The following PARD3 variants were observed in gnomAD, a reference collection of about 807,000 sequenced individuals.
PARD3 encodes par-3 family cell polarity regulator, also known as partitioning defective 3 homolog.
A neutral mutation model predicts 155.4 loss-of-function variants in PARD3; 75 were observed. The observed-to-expected ratio is 0.48, with a 90% CI of 0.40 to 0.58. The LOEUF (loss-of-function observed/expected upper bound fraction) is 0.58. Among genes scored for constraint, PARD3 ranks in the 20% least tolerant of loss-of-function variants. The probability of loss-of-function intolerance (pLI) is 0.00; values close to 1 mark genes in which losing one functional copy is unlikely to be tolerated. For synonymous variants in PARD3, 576 were observed against 610.5 expected (o/e 0.94, Z 0.83); for missense variants, 1,642 against 1,721.7 (o/e 0.95, Z 0.82).
At chr10:34,780,443 T>C (rs2134163829) in intron 1 of PARD3, among the ~76,000 whole-genome samples, 1 of 152,366 alleles carries the variant, frequency 6.6e-6, no homozygotes, top group Admixed American at 6.5e-5. Flanking sequence ...AAATTTTTGT[T>C]GGCAATATTT....
At chr10:34,682,074 T>C (rs1214251923) in intron 2 of PARD3, among the ~76,000 whole-genome samples, 1 of 152,052 alleles carries the variant, frequency 6.6e-6, no homozygotes, top group African/African-American at 2.4e-5. Flanking sequence ...GAAATGCAAC[T>C]GCAGTGTCAT....
At chr10:34,246,056 G>A (rs1424102801) in intron 22 of PARD3, among the ~76,000 whole-genome samples, 3 of 152,250 alleles carry the variant, frequency 2.0e-5, no homozygotes, top group African/African-American at 7.2e-5. Flanking sequence ...GACCAAGGAA[G>A]AAGGGTGTCC....
At chr10:34,600,099 C>T (rs1315926587) in intron 2 of PARD3, among the ~76,000 whole-genome samples, 2 of 151,718 alleles carry the variant, frequency 1.3e-5, no homozygotes, top group East Asian at 3.9e-4. Context: ...CTTTGGGAGG[C>T]CGAGGCAGGT....
chr10:34,281,855 A>G (rs1468046000), intron 21 of PARD3, among the ~76,000 whole-genome samples: 2 of 152,174 alleles, frequency 1.3e-5, no homozygotes, highest in African/African-American at 4.8e-5. Flanking sequence ...GGAATTAGCC[A>G]AAATAATTTT....
chr10:34,411,821 C>T (rs750771439), intron 5 of PARD3, among the ~76,000 whole-genome samples: 3 of 151,784 alleles, frequency 2.0e-5, no homozygotes, highest in Non-Finnish European at 2.9e-5. Context: ...CTGAAAAACC[C>T]TAATACAATC....
intron 22 of PARD3, among the ~76,000 whole-genome samples, chr10:34,175,043 A>G (rs183707341): frequency 1.3e-3 from 196 of 152,310 alleles, no homozygotes; most frequent in African/African-American, 4.5e-3. Context: ...CCTCGTATCT[A>G]GAATGGGGAA....
chr10:34,713,419 G>C (rs143181149), intron 1 of PARD3, among the ~76,000 whole-genome samples: 1 of 151,890 alleles, frequency 6.6e-6, no homozygotes, highest in Non-Finnish European at 1.5e-5. Flanking sequence ...AATCTAAGAC[G>C]CATTCCATTC....
intron 4 of PARD3, among the ~76,000 whole-genome samples, chr10:34,460,107 A>G (rs912540180): frequency 2.3e-4 from 35 of 152,254 alleles, no homozygotes; most frequent in Non-Finnish European, 4.7e-4. Flanking sequence ...CATTTAGAGT[A>G]AAGAAATGGA....
At chr10:34,507,893 C>T (rs1285319574) in intron 3 of PARD3, among the ~76,000 whole-genome samples, 4 of 152,134 alleles carry the variant, frequency 2.6e-5, no homozygotes, top group African/African-American at 9.7e-5. Context: ...ATGCCATGCT[C>T]CACTTCACAA....
Position 34,360,118 on chromosome 10 carries a change from A to G in PARD3, c.1849T>C (p.Leu617=), listed in dbSNP as rs763496213. The change falls in exon 13 of 25, where the codon TTG becomes CTG. Residue 617 remains leucine (L), a synonymous_variant. Transcript: ENST00000374788. ...ATAATGGACTTGACAAAGATTCCCA[A>G]ATCTGCGTGGTTCTCTTTTGACCGG... The part of the protein sequence containing the change: ...GNRSKENHAD[L]GIFVKSIING... The G allele has an allele frequency of 6.2e-7, 1 of 1,614,106 alleles. No individual in the cohort carries two copies. The highest frequency in any genetic ancestry group is 8.5e-7 in the Non-Finnish European group (1 of 1,179,978).
intron 22 of PARD3, among the ~76,000 whole-genome samples, chr10:34,142,601 G>A (rs1948247842): frequency 6.7e-6 from 1 of 149,604 alleles, no homozygotes; most frequent in African/African-American, 2.5e-5. Context: ...GGGAGGGAGG[G>A]AGGAAAGAAG....
chr10:34,573,726 AACAAACAAAAACACAC>A (rs1310326163), intron 2 of PARD3, among the ~76,000 whole-genome samples: 2 of 97,660 alleles, frequency 2.0e-5, no homozygotes, highest in African/African-American at 1.1e-4. Flanking sequence ...CAAACAAACA[AACAAACAAAAACACAC>A]ACACACACAC....
At chr10:34,631,094 C>T (rs2092248565) in intron 2 of PARD3, among the ~76,000 whole-genome samples, 1 of 152,088 alleles carries the variant, frequency 6.6e-6, no homozygotes, top group Non-Finnish European at 1.5e-5. Flanking sequence ...GGATTACAGG[C>T]ATGAGCTACT....
At chr10:34,349,580 T>TAAAAAAAACAAAAAA (rs1837793366) in intron 14 of PARD3, among the ~76,000 whole-genome samples, 1 of 44,710 alleles carries the variant, frequency 2.2e-5, no homozygotes, top group Non-Finnish European at 3.6e-5. Flanking sequence ...TCTGGGAAAG[T>TAAAAAAAACAAAAAA]AAAAAAAAAA....
intron 2 of PARD3, among the ~76,000 whole-genome samples, chr10:34,566,537 A>C (rs531718628): frequency 3.9e-5 from 6 of 152,338 alleles, no homozygotes; most frequent in Admixed American, 2.0e-4. Flanking sequence ...CTGACCAAAA[A>C]TGGAAAGAAG....
At chr10:34,218,067 C>T (rs1158886312) in intron 22 of PARD3, among the ~76,000 whole-genome samples, 3 of 152,224 alleles carry the variant, frequency 2.0e-5, no homozygotes, top group African/African-American at 7.2e-5. Flanking sequence ...CCCTACGTCC[C>T]TGAAACATCA....
intron 22 of PARD3, among the ~76,000 whole-genome samples, chr10:34,256,500 T>G (rs1438029748): frequency 6.6e-6 from 1 of 152,248 alleles, no homozygotes; most frequent in Non-Finnish European, 1.5e-5. Flanking sequence ...ATCAGTTTCT[T>G]GCCTGTAAGT....
At chr10:34,791,931 T>C (rs1488451499) in intron 1 of PARD3, among the ~76,000 whole-genome samples, 3 of 151,892 alleles carry the variant, frequency 2.0e-5, no homozygotes, top group Non-Finnish European at 4.4e-5. Flanking sequence ...CCCAAGGGCC[T>C]ACAAACTGAA....
chr10:34,290,590 C>T (rs1422595117), intron 20 of PARD3, among the ~76,000 whole-genome samples: 1 of 152,188 alleles, frequency 6.6e-6, no homozygotes, highest in Non-Finnish European at 1.5e-5. Context: ...CCTGCCCTGG[C>T]GTGGTCAATA....
Sources: gnomAD v4.1 joint callset for allele counts (sites outside exome capture counted in the v4.1 genomes callset) on GRCh38, gnomAD v4.1.1 for gene constraint, MANE v1.5 for transcripts, NCBI Gene and HGNC (gene_info 2026-07-23, HGNC 2026-07-21) for gene names.